BICC1: variants seen among roughly 807,000 people sequenced by gnomAD.
BICC1 encodes the protein BicC family RNA binding protein 1.
In BICC1, 43 loss-of-function variants were observed where a neutral mutation model predicts 111.0. The ratio of observed to expected loss-of-function variants is 0.39; its 90% CI spans 0.30 to 0.50. The LOEUF (loss-of-function observed/expected upper bound fraction) is 0.50. BICC1 is among the 20% of genes least tolerant of loss of function. The probability of loss-of-function intolerance (pLI) is 0.88; values close to 1 mark genes in which losing one functional copy is unlikely to be tolerated. For synonymous variants in BICC1, 467 were observed against 434.4 expected, an observed-to-expected ratio of 1.07 and a Z score of -0.93; for missense variants, 1,091 against 1,203.2, an observed-to-expected ratio of 0.91 and a Z score of 1.38.
intron 1 of BICC1, among the ~76,000 whole-genome samples, chr10:58,563,083 C>T (rs559207635): frequency 3.9e-5 from 6 of 152,118 alleles, no homozygotes; most frequent in Non-Finnish European, 1.5e-5. Flanking sequence ...GAGTCATTGC[C>T]GTACCACTGG....
chr10:58,813,924 C>G lies in BICC1; in HGVS notation c.2471C>G (p.Pro824Arg). Residue 824 changes from proline to arginine, a missense_variant, in exon 18 of 21, where the codon CCT (proline) becomes CGT (arginine). Coordinates refer to ENST00000373886, the MANE Select transcript of BICC1 (RefSeq NM_001080512.3). Reference sequence around the variant, plus strand: ...TGGAGAGACCGAAATGGAATTGGACCTGGAAGTCATAGTGAATTTGCAGCT... The same window carrying G: ...TGGAGAGACCGAAATGGAATTGGACGTGGAAGTCATAGTGAATTTGCAGCT... ...DNWRDRNGIGPGSHSEFAASI... is the reference protein window; with the variant it reads ...DNWRDRNGIGRGSHSEFAASI... The G allele has an allele frequency of 1.2e-6, 2 of 1,614,040 alleles. No individual in the cohort carries two copies. Among genetic ancestry groups the G allele is most frequent in the East Asian group, 2.2e-5 (1 of 44,844 alleles).
At chr10:58,663,887 G>A (rs1401009256) in intron 2 of BICC1, among the ~76,000 whole-genome samples, 1 of 152,142 alleles carries the variant, frequency 6.6e-6, no homozygotes, top group Non-Finnish European at 1.5e-5. Flanking sequence ...AGGTTGTTGG[G>A]TGTGTCAGTA....
intron 6 of BICC1, 44 bp downstream of exon 6, chr10:58,788,467 A>G: frequency 1.5e-6 from 2 of 1,325,134 alleles, no homozygotes; most frequent in Non-Finnish European, 1.1e-6. Flanking sequence ...TGTCAGCAAC[A>G]TTTGCATTAT....
intron 2 of BICC1, among the ~76,000 whole-genome samples, chr10:58,692,434 C>T (rs1055165738): frequency 6.6e-6 from 1 of 152,160 alleles, no homozygotes; most frequent in African/African-American, 2.4e-5. Context: ...CTGTGCAAAA[C>T]ACTTTCATCA....
chr10:58,716,830 A>T (rs1840759724), intron 3 of BICC1, among the ~76,000 whole-genome samples: 1 of 151,200 alleles, frequency 6.6e-6, no homozygotes, highest in Admixed American at 6.6e-5. Flanking sequence ...TGTGCCTTTG[A>T]TCCTCACACA....
intron 2 of BICC1, among the ~76,000 whole-genome samples, chr10:58,622,631 C>T (rs894439651): frequency 9.9e-5 from 15 of 152,190 alleles, no homozygotes; most frequent in Non-Finnish European, 1.9e-4. Context: ...CTGTCTTTTC[C>T]ATAGATAGGT....
chr10:58,818,685 A>G (rs866757480), intron 19 of BICC1, among the ~76,000 whole-genome samples: 1 of 150,064 alleles, frequency 6.7e-6, no homozygotes, highest in African/African-American at 2.4e-5. Context: ...CAGGGTATTG[A>G]TTTTTTTTTT....
intron 1 of BICC1, among the ~76,000 whole-genome samples, chr10:58,540,353 C>G (rs117792433): frequency 0.022 from 3,302 of 150,188 alleles, 47 homozygotes; most frequent in Non-Finnish European, 0.033. Context: ...AAAAGATCAA[C>G]AAAATCAACA....
chr10:58,598,181 A>G (rs756324287), intron 1 of BICC1, among the ~76,000 whole-genome samples: 58 of 152,232 alleles, frequency 3.8e-4, no homozygotes, highest in Non-Finnish European at 5.6e-4. Flanking sequence ...TGGAACCAAA[A>G]AAGAGCCTGC....
chr10:58,585,441 T>C (rs1204615043), intron 1 of BICC1, among the ~76,000 whole-genome samples: 1 of 152,238 alleles, frequency 6.6e-6, no homozygotes, highest in Non-Finnish European at 1.5e-5. Context: ...TGATTTATAC[T>C]ATTTTCTGAA....
Position 58,797,469 on chromosome 10 carries a change from A to AT in BICC1, c.1367-922dup, listed in dbSNP as rs142108773. Reference sequence around the variant, plus strand: ...CCTGCCTAGACATCATTAAAGAAAGATTTTTTTTGTATCTTGGCCCCTAAT... The same window carrying AT: ...CCTGCCTAGACATCATTAAAGAAAGATTTTTTTTTGTATCTTGGCCCCTAAT... On this transcript the variant is annotated intron_variant, in intron 10 of 20. Transcript: ENST00000373886. 2.2e-4 allele frequency among the ~76,000 whole-genome samples: 34 copies of AT among 152,128 alleles called. No homozygotes were observed. In the East Asian group the frequency reaches 2.9e-3, roughly 13 times the overall value.
Position 58,692,554 on chromosome 10 carries a change from A to T in BICC1, c.238-9520A>T, listed in dbSNP as rs376854443. Among the ~76,000 whole-genome samples the T allele has an allele frequency of 2.6e-5, 4 of 152,366 alleles. No homozygotes were observed. In the South Asian group the frequency reaches 8.3e-4, roughly 32 times the overall value. Reference sequence around the variant, plus strand: ...TAGGAAAATGAAAAAAGTAAAACTAATATTTATTCAGTACACTCTATTTAA... The same window carrying T: ...TAGGAAAATGAAAAAAGTAAAACTATTATTTATTCAGTACACTCTATTTAA... On this transcript the variant is annotated intron_variant, in intron 2 of 20. Transcript: ENST00000373886.
In BICC1 at chr10:58,780,303, C is replaced by G. The variant is rs376817676; in HGVS notation, c.308-4698C>G. 2.0e-5 allele frequency among the ~76,000 whole-genome samples: 3 copies of G among 152,140 alleles called. No individual in the cohort carries two copies. In the South Asian group the frequency reaches 6.2e-4, roughly 32 times the overall value. ...ATTTTCCCTGTAAACAGAAGTACAA[C>G]TCTGATACGATAACTTTTGTTTTGT... On this transcript the variant is annotated intron_variant, in intron 3 of 20. Transcript: ENST00000373886.
At chr10:58,691,605 A>G (rs1368508108) in intron 2 of BICC1, among the ~76,000 whole-genome samples, 1 of 152,236 alleles carries the variant, frequency 6.6e-6, no homozygotes, top group East Asian at 1.9e-4. Context: ...TTTAGAAATC[A>G]GGAAATTTAA....
At chr10:58,785,287 T>TAC (rs918330487) in intron 4 of BICC1, among the ~76,000 whole-genome samples, 102 of 152,078 alleles carry the variant, frequency 6.7e-4, no homozygotes, top group Middle Eastern at 3.4e-3. Flanking sequence ...GAACTATACA[T>TAC]ACACACACAC....
intron 2 of BICC1, among the ~76,000 whole-genome samples, chr10:58,673,952 C>T (rs1409331860): frequency 1.8e-5 from 1 of 55,208 alleles, no homozygotes. Flanking sequence ...TAATCTATCT[C>T]AGGTAAACAC....
chr10:58,550,159 C>G (rs1843257874), intron 1 of BICC1, among the ~76,000 whole-genome samples: 1 of 151,960 alleles, frequency 6.6e-6, no homozygotes, highest in South Asian at 2.1e-4. Context: ...GGACTACAGG[C>G]AGTGCCACCA....
chr10:58,791,323 T>G (rs1350622330), intron 8 of BICC1, among the ~76,000 whole-genome samples: 4 of 152,318 alleles, frequency 2.6e-5, no homozygotes, highest in South Asian at 4.1e-4. Flanking sequence ...ACTTTGACCA[T>G]ACCTGCCAAA....
At chr10:58,656,965 A>T (rs1257886091) in intron 2 of BICC1, among the ~76,000 whole-genome samples, 3 of 152,082 alleles carry the variant, frequency 2.0e-5, no homozygotes, top group Admixed American at 1.3e-4. Flanking sequence ...CTATTAGGAG[A>T]TTGACAGTGA....
Sources: allele counts gnomAD v4.1 joint callset (sites outside exome capture counted in the v4.1 genomes callset), GRCh38; gene constraint gnomAD v4.1.1; transcripts MANE v1.5; gene names NCBI Gene and HGNC (gene_info 2026-07-23, HGNC 2026-07-21).